KCNH7: variants seen among roughly 807,000 people sequenced by gnomAD.
KCNH7 encodes potassium voltage-gated channel subfamily H member 7.
Under a neutral mutation model 120.8 loss-of-function variants are expected in KCNH7, and 49 were observed. The ratio of observed to expected loss-of-function variants is 0.41; its 90% confidence interval spans 0.32 to 0.51. The LOEUF (loss-of-function observed/expected upper bound fraction) is 0.51, where lower values mean the gene tolerates loss of function less well. Among genes scored for constraint, KCNH7 ranks in the 20% least tolerant of loss-of-function variants. The pLI is 0.38. For synonymous variants in KCNH7, 547 were observed against 516.1 expected (o/e 1.06, Z -0.81); for missense variants, 1,097 against 1,446.6 (o/e 0.76, Z 3.92).
At chr2:162,454,537 T>G (rs766032524) in intron 6 of KCNH7, among the ~76,000 whole-genome samples, 1 of 152,224 alleles carries the variant, frequency 6.6e-6, no homozygotes, top group Non-Finnish European at 1.5e-5. Context: ...ATAAATTACT[T>G]TGGACAGTAT....
At chr2:162,557,034 A>G (rs1692879863) in intron 2 of KCNH7, among the ~76,000 whole-genome samples, 1 of 152,208 alleles carries the variant, frequency 6.6e-6, no homozygotes, top group Admixed American at 6.5e-5. Context: ...AGTGGCTCAA[A>G]GCAACAATTT....
intron 2 of KCNH7, among the ~76,000 whole-genome samples, chr2:162,620,909 A>C (rs184824698): frequency 1.1e-3 from 162 of 152,304 alleles, no homozygotes; most frequent in African/African-American, 3.7e-3. Flanking sequence ...ACTGGGACAC[A>C]TTTGAGAAAC....
At chr2:162,652,072 G>C (rs1684584952) in intron 2 of KCNH7, among the ~76,000 whole-genome samples, 1 of 151,952 alleles carries the variant, frequency 6.6e-6, no homozygotes, top group Admixed American at 6.6e-5. Context: ...TTGTAAAACA[G>C]GATATTAAAG....
intron 2 of KCNH7, among the ~76,000 whole-genome samples, chr2:162,741,685 C>A (rs1181554232): frequency 1.3e-5 from 2 of 152,008 alleles, no homozygotes; most frequent in Non-Finnish European, 2.9e-5. Context: ...GAATAACTAG[C>A]AGTTCAAAAC....
At chr2:162,611,831 C>G (rs1311223118) in intron 2 of KCNH7, among the ~76,000 whole-genome samples, 2 of 152,082 alleles carry the variant, frequency 1.3e-5, no homozygotes, top group Non-Finnish European at 2.9e-5. Context: ...AAACTGATAT[C>G]TGACTCTTAC....
At chr2:162,756,165 T>C (rs1688783259) in intron 2 of KCNH7, among the ~76,000 whole-genome samples, 1 of 152,188 alleles carries the variant, frequency 6.6e-6, no homozygotes, top group Admixed American at 6.6e-5. Context: ...GAGACTGATA[T>C]AATTGTATAA....
In KCNH7 at chr2:162,525,283, C is replaced by A. The variant is rs895212155; in HGVS notation, c.464-7125G>T. Reference sequence around the variant, plus strand: ...AGGTTGGAGGAAGTCAGTGCTGTAGCAAGGCTTGAGAACAATTACAGGAGC... The same window carrying A: ...AGGTTGGAGGAAGTCAGTGCTGTAGAAAGGCTTGAGAACAATTACAGGAGC... On this transcript the variant is annotated intron_variant, in intron 3 of 15. Transcript: ENST00000332142. 2.0e-5 allele frequency among the ~76,000 whole-genome samples: 3 copies of A among 151,930 alleles called. No individual in the cohort carries two copies. The East Asian group carries it at 5.9e-4, about 30-fold the overall frequency.
intron 2 of KCNH7, among the ~76,000 whole-genome samples, chr2:162,738,409 C>A (rs190474333): frequency 1.3e-5 from 2 of 152,222 alleles, no homozygotes; most frequent in East Asian, 3.9e-4. Flanking sequence ...ACATTAAGAT[C>A]GTCACTGCCC....
At chr2:162,410,785 A>G (rs765760317) in intron 9 of KCNH7, among the ~76,000 whole-genome samples, 18 of 152,090 alleles carry the variant, frequency 1.2e-4, no homozygotes, top group Non-Finnish European at 1.3e-4. Flanking sequence ...AAAAGTGGGC[A>G]AAGGACATGA....
rs955691922 is a variant in KCNH7, at chr2:162,518,107, T to C, written c.515A>G (p.Lys172Arg). The change falls in exon 4 of 16, where the codon AAG (lysine) becomes AGG (arginine). Residue 172 changes from lysine (K) to arginine (R), a missense_variant. Coordinates refer to ENST00000332142, the MANE Select transcript of KCNH7 (RefSeq NM_033272.4). The stretch of plus-strand genomic sequence containing the variant: ...GGGGTCTTCTTGTGGTAAGGACTGC[T>C]TTCTGTAAGTGAGAACTCTCAGACC... ...FPGLRVLTYR[K>R]QSLPQEDPDV... 1.2e-6 allele frequency: 2 copies of C among 1,612,068 alleles called. No homozygotes were observed. Among genetic ancestry groups the C allele is most frequent in the African/African-American group, 2.7e-5 (2 of 74,748 alleles).
chr2:162,415,767 G>A (rs1055843168), intron 9 of KCNH7, among the ~76,000 whole-genome samples: 1 of 152,032 alleles, frequency 6.6e-6, no homozygotes, highest in Non-Finnish European at 1.5e-5. Flanking sequence ...ATAAAGCAAG[G>A]TGCAGATTTA....
chr2:162,817,581 T>C (rs1157501806), intron 2 of KCNH7, among the ~76,000 whole-genome samples: 3 of 152,116 alleles, frequency 2.0e-5, no homozygotes, highest in African/African-American at 7.2e-5. Context: ...GATACAGACC[T>C]AGAAGAGAAA....
intron 6 of KCNH7, among the ~76,000 whole-genome samples, chr2:162,503,683 A>T (rs1004391102): frequency 1.3e-5 from 2 of 152,080 alleles, no homozygotes; most frequent in Non-Finnish European, 2.9e-5. Flanking sequence ...GCTTTATATT[A>T]TAGAGAGTTT....
chr2:162,537,845 T>C (rs1692163037), intron 2 of KCNH7, among the ~76,000 whole-genome samples: 1 of 152,066 alleles, frequency 6.6e-6, no homozygotes, highest in Non-Finnish European at 1.5e-5. Flanking sequence ...ACCATCCGTC[T>C]TCCAACAGAA....
intron 2 of KCNH7, among the ~76,000 whole-genome samples, chr2:162,659,502 T>G (rs1424408153): frequency 1.3e-5 from 2 of 151,982 alleles, no homozygotes; most frequent in Non-Finnish European, 2.9e-5. Context: ...CCACCACACC[T>G]GGCTAATTTT....
At chr2:162,798,669 T>C (rs1684232284) in intron 2 of KCNH7, among the ~76,000 whole-genome samples, 1 of 152,088 alleles carries the variant, frequency 6.6e-6, no homozygotes, top group South Asian at 2.1e-4. Context: ...AAAGAAGCAG[T>C]ATTCATAAAT....
intron 2 of KCNH7, among the ~76,000 whole-genome samples, chr2:162,769,315 A>G (rs935393062): frequency 4.6e-5 from 7 of 152,184 alleles, no homozygotes; most frequent in African/African-American, 9.6e-5. Flanking sequence ...ACAGGAGGAA[A>G]AAATACCTCT....
intron 2 of KCNH7, among the ~76,000 whole-genome samples, chr2:162,806,844 T>G (rs1052540425): frequency 4.6e-5 from 7 of 152,080 alleles, no homozygotes; most frequent in Non-Finnish European, 1.0e-4. Context: ...AATGGAATTT[T>G]TTTTTAAAAA....
At chr2:162,648,640 T>C (rs553198358) in intron 2 of KCNH7, among the ~76,000 whole-genome samples, 299 of 152,288 alleles carry the variant, frequency 2.0e-3, no homozygotes, top group Middle Eastern at 6.8e-3. Flanking sequence ...TTCCAATCCA[T>C]ATCTTACTTT....
Sources: gnomAD v4.1 joint callset for allele counts (sites outside exome capture counted in the v4.1 genomes callset) on GRCh38, gnomAD v4.1.1 for gene constraint, MANE v1.5 for transcripts, NCBI Gene and HGNC (gene_info 2026-07-23, HGNC 2026-07-21) for gene names.